The following TMF1 variants were observed in gnomAD, a reference collection of about 807,000 sequenced individuals.
TMF1 encodes the protein TATA element modulatory factor.
A neutral mutation model predicts 126.5 loss-of-function variants in TMF1; 71 were observed. The ratio of observed to expected loss-of-function variants is 0.56; its 90% CI spans 0.46 to 0.68. TMF1 has a LOEUF of 0.68. Ranked by LOEUF, TMF1 falls within the 30% of genes least tolerant of loss-of-function variation. The probability of loss-of-function intolerance (pLI) is 0.00; values close to 1 mark genes in which losing one functional copy is unlikely to be tolerated. For missense variants in TMF1, 1,259 were observed against 1,253.2 expected, an observed-to-expected ratio of 1.00 and a Z score of -0.07; for synonymous variants, 461 against 430.5, an observed-to-expected ratio of 1.07 and a Z score of -0.88.
intron 1 of TMF1, among the ~76,000 whole-genome samples, chr3:69,050,654 T>A (rs144703162): frequency 6.6e-6 from 1 of 152,190 alleles, no homozygotes; most frequent in Non-Finnish European, 1.5e-5. Context: ...GGGGCACATA[T>A]GAAAAAACAG....
intron 13 of TMF1, among the ~76,000 whole-genome samples, chr3:69,027,218 A>T (rs1162071816): frequency 6.6e-6 from 1 of 151,450 alleles, no homozygotes; most frequent in Non-Finnish European, 1.5e-5. Flanking sequence ...CTGGTCTTGA[A>T]CTCTTAGCCT....
intron 4 of TMF1, among the ~76,000 whole-genome samples, chr3:69,043,432 G>A (rs1283716674): frequency 6.6e-6 from 1 of 152,044 alleles, no homozygotes; most frequent in Non-Finnish European, 1.5e-5. Context: ...GGCCTCCTGA[G>A]TAGCTGTGAC....
At chr3:69,031,492 A>G (rs1476096875) in intron 10 of TMF1, among the ~76,000 whole-genome samples, 1 of 152,226 alleles carries the variant, frequency 6.6e-6, no homozygotes, top group Non-Finnish European at 1.5e-5. Context: ...AGTAGATTGT[A>G]TCAATGTCAA....
chr3:69,026,491 G>A (rs1359126052), intron 13 of TMF1, among the ~76,000 whole-genome samples: 27 of 152,342 alleles, frequency 1.8e-4, no homozygotes, highest in Non-Finnish European at 1.5e-5. Flanking sequence ...AGCTACTCGG[G>A]AGGCTGAGGC....
intron 11 of TMF1, among the ~76,000 whole-genome samples, chr3:69,028,503 C>A (rs979261093): frequency 6.6e-6 from 1 of 152,200 alleles, no homozygotes; most frequent in Non-Finnish European, 1.5e-5. Flanking sequence ...AGCTCCACTT[C>A]TGTGCATTTT....
At chr3:69,039,381 C>T (rs190938833) in intron 6 of TMF1, among the ~76,000 whole-genome samples, 170 bp downstream of exon 6, 3 of 152,170 alleles carry the variant, frequency 2.0e-5, no homozygotes, top group Non-Finnish European at 2.9e-5. Context: ...GGATTACAGG[C>T]GTGAGCCACC....
At chr3:69,024,272 T>G in intron 15 of TMF1, 92 bp from the exon 16 acceptor site, 2 of 1,143,524 alleles carry the variant, frequency 1.7e-6, no homozygotes, top group Admixed American at 5.7e-5. Flanking sequence ...TGTGTGGTTT[T>G]TTTTTTTTTT....
At position 69,048,566 on chromosome 3, in the gene TMF1, T is replaced by C. The variant is rs754009480; in HGVS notation, c.143-4A>G. 6.4e-7 allele frequency: 1 copy of C among 1,562,960 alleles called. No individual in the cohort carries two copies. Among genetic ancestry groups the C allele is most frequent in the Non-Finnish European group, 8.6e-7 (1 of 1,158,210 alleles). ...CCACTGACAGGGGAACTTATTCCTT[T>C]AACAAAAAAGTAAATATTAAAAAAG... is the stretch of plus-strand genomic sequence containing the variant. On this transcript the variant is annotated splice_polypyrimidine_tract_variant and splice_region_variant and intron_variant, in intron 1 of 16. Transcript: ENST00000398559.
chr3:69,039,946 G>A (rs188331820), intron 5 of TMF1, among the ~76,000 whole-genome samples: 1 of 152,284 alleles, frequency 6.6e-6, no homozygotes, highest in African/African-American at 2.4e-5. Context: ...ATTTTAAAGA[G>A]AAAAATCTGG....
At chr3:69,029,399 C>A (rs1182436145) in intron 11 of TMF1, among the ~76,000 whole-genome samples, 1 of 151,818 alleles carries the variant, frequency 6.6e-6, no homozygotes, top group Non-Finnish European at 1.5e-5. Context: ...TTCTTGGTAC[C>A]CTGAAGCTAA....
chr3:69,038,546 T>A lies in TMF1; in HGVS notation c.2151+18A>T. On this transcript the variant is annotated intron_variant, in intron 8 of 16. Coordinates refer to ENST00000398559, the MANE Select transcript of TMF1 (RefSeq NM_007114.3). ...CAAATATTTTTAAAACTACTCTAAT[T>A]CATCATCCATTGCTTACTTGAATGG... The A allele has an allele frequency of 6.2e-7, 1 of 1,605,850 alleles. No homozygotes were observed.
At position 69,021,769 on chromosome 3, in the gene TMF1, C is replaced by G. The variant is rs576624976; in HGVS notation, c.*1408G>C. Reference sequence around the variant, plus strand: ...AATCTTGGCTCATTGTAACCTCCACCTCCCAGGTTCAAGCAATGCTCCTGC... The same window carrying G: ...AATCTTGGCTCATTGTAACCTCCACGTCCCAGGTTCAAGCAATGCTCCTGC... On this transcript the variant is annotated 3_prime_UTR_variant, in exon 17 of 17. Transcript: ENST00000398559. 1 of 152,052 alleles carries G rather than the reference C, an allele frequency of 6.6e-6. No homozygotes were observed. The highest frequency in any genetic ancestry group is 1.5e-5 in the Non-Finnish European group (1 of 68,040). The allele number at this position is 152,052 out of a possible 1,614,324, so 9.4% of individuals were successfully genotyped here. A position where few individuals can be genotyped will look rare whatever the true frequency, so the allele number is the denominator to read the frequency against.
chr3:69,020,146 C>T lies in TMF1; in HGVS notation c.*3031G>A, dbSNP rs2091721541. 1.3e-5 allele frequency: 2 copies of T among 151,970 alleles called. No homozygotes were observed. The highest frequency in any genetic ancestry group is 4.2e-4 in the South Asian group (2 of 4,818). 9.4% of individuals were successfully genotyped at this position (151,970 alleles called of 1,614,324 possible). A position where few individuals can be genotyped will look rare whatever the true frequency, so the allele number is the denominator to read the frequency against. ...AAATCATATACTTTTAATAAGCATT[C>T]AAATAAAACTCTCAATAAATGCCAA... On this transcript the variant is annotated 3_prime_UTR_variant, in exon 17 of 17. Transcript: ENST00000398559.
chr3:69,048,503 T>A lies in TMF1; in HGVS notation c.202A>T (p.Thr68Ser). 6.2e-7 allele frequency: 1 copy of A among 1,613,910 alleles called. No homozygotes were observed. The highest frequency in any genetic ancestry group is 1.7e-5 in the Admixed American group (1 of 60,000). Residue 68 changes from threonine (T) to serine (S), a missense_variant, in exon 2 of 17, where the codon ACT becomes TCT. Transcript: ENST00000398559. ...GCTATTGGTGGACTCTGAGGTTCAG[T>A]GTTTGATTTCAACCCCCAGGTTGAA... ...DTSTWGLKSN[T>S]EPQSPPIASP...
At chr3:69,036,887 T>C (rs1374137325) in intron 8 of TMF1, among the ~76,000 whole-genome samples, 1 of 152,132 alleles carries the variant, frequency 6.6e-6, no homozygotes, top group African/African-American at 2.4e-5. Context: ...TTAAATATGA[T>C]GCCAAAAGCA....
At chr3:69,035,787 T>C (rs1342457235) in intron 8 of TMF1, among the ~76,000 whole-genome samples, 4 of 152,120 alleles carry the variant, frequency 2.6e-5, no homozygotes, top group African/African-American at 7.2e-5. Context: ...TCTAATATAC[T>C]ATTAAATGGA....
chr3:69,033,045 G>A (rs567778220), intron 10 of TMF1, among the ~76,000 whole-genome samples: 1 of 152,042 alleles, frequency 6.6e-6, no homozygotes, highest in South Asian at 2.1e-4. Flanking sequence ...CACTACTGCA[G>A]ACAAGCTACA....
In TMF1 at chr3:69,052,302, G is replaced by T; in HGVS notation, c.-216C>A. On this transcript the variant is annotated 5_prime_UTR_variant, in exon 1 of 17. Coordinates refer to ENST00000398559, the MANE Select transcript of TMF1 (RefSeq NM_007114.3). ...AGGGGGCCCATGTGCGCATGCGCTT[G>T]CTTCTTCCACGTACACAGCAACCAA... 1 of 438,886 alleles carries T rather than the reference G, an allele frequency of 2.3e-6. No individual in the cohort carries two copies. Among genetic ancestry groups the T allele is most frequent in the Non-Finnish European group, 4.1e-6 (1 of 245,308 alleles). The allele number at this position is 438,886 out of a possible 1,614,324, so 27.2% of individuals were successfully genotyped here.
At chr3:69,024,267 G>GT (rs2091754395) in intron 15 of TMF1, 87 bp from the exon 16 acceptor site, 49 of 1,094,420 alleles carry the variant, frequency 4.5e-5, no homozygotes, top group Middle Eastern at 4.6e-4. Flanking sequence ...ATGTGTGTGT[G>GT]GTTTTTTTTT....
Sources: gnomAD v4.1 joint callset for allele counts (sites outside exome capture counted in the v4.1 genomes callset) on GRCh38, gnomAD v4.1.1 for gene constraint, MANE v1.5 for transcripts, NCBI Gene and HGNC (gene_info 2026-07-23, HGNC 2026-07-21) for gene names.